Variants in CISD2 observed in about 807,000 individuals in gnomAD.
CISD2 encodes the protein CDGSH iron-sulfur domain-containing protein 2.
A neutral mutation model predicts 12.9 loss-of-function variants in CISD2; 1 was observed. The observed-to-expected ratio is 0.08, with a 90% confidence interval of 0.03 to 0.37. The LOEUF (loss-of-function observed/expected upper bound fraction) is 0.37, where lower values mean the gene tolerates loss of function less well. CISD2 is among the 10% of genes least tolerant of loss of function. CISD2 has a pLI of 0.99. For missense variants in CISD2, 97 were observed against 163.1 expected (o/e 0.59, Z 2.21); for synonymous variants, 50 against 60.6 (o/e 0.83, Z 0.81).
intron 1 of CISD2, among the ~76,000 whole-genome samples, chr4:102,879,936 AT>A (rs2110396212): frequency 6.6e-6 from 1 of 151,850 alleles, no homozygotes; most frequent in African/African-American, 2.4e-5. Context: ...TTTTTCTTTT[AT>A]TTTTTATTTT....
intron 1 of CISD2, among the ~76,000 whole-genome samples, chr4:102,880,576 G>A (rs1440079453): frequency 6.6e-6 from 1 of 152,006 alleles, no homozygotes; most frequent in Non-Finnish European, 1.5e-5. Context: ...TATTTGGGTG[G>A]CGGAGGCACA....
chr4:102,889,068 T>G lies in CISD2; in HGVS notation c.*1638T>G, dbSNP rs572627797. 1 of 152,356 alleles carries G rather than the reference T, an allele frequency of 6.6e-6. No homozygotes were observed. Among genetic ancestry groups the G allele is most frequent in the African/African-American group, 2.4e-5 (1 of 41,590 alleles). The allele number at this position is 152,356 out of a possible 1,614,324, so 9.4% of individuals were successfully genotyped here. ...CTAAGCATGGTACTTGGGTTTTTAA[T>G]TTATTACATGTAATGTCAGTAGGTT... On this transcript the variant is annotated 3_prime_UTR_variant, in exon 3 of 3. Coordinates refer to ENST00000273986, the MANE Select transcript of CISD2 (RefSeq NM_001008388.5).
intron 1 of CISD2, among the ~76,000 whole-genome samples, chr4:102,880,337 A>G (rs1733685587): frequency 6.6e-6 from 1 of 152,226 alleles, no homozygotes; most frequent in Non-Finnish European, 1.5e-5. Context: ...AGTTGGGGAA[A>G]TAATATAATA....
At chr4:102,873,339 C>T (rs1016830798) in intron 1 of CISD2, among the ~76,000 whole-genome samples, 1 of 151,980 alleles carries the variant, frequency 6.6e-6, no homozygotes, top group African/African-American at 2.4e-5. Context: ...ATGATCTCTA[C>T]CCACTCATTG....
At position 102,892,110 on chromosome 4, in the gene CISD2, G is replaced by A. The variant is rs1305910921; in HGVS notation, c.*4680G>A. On this transcript the variant is annotated 3_prime_UTR_variant, in exon 3 of 3. Coordinates refer to ENST00000273986, the MANE Select transcript of CISD2 (RefSeq NM_001008388.5). ...GTCTGGCCCTGTCACCCAGGCTGGAGTGCGGGGGCATGATCGTAGCTCACT... is the reference window on the plus strand; with the variant it reads ...GTCTGGCCCTGTCACCCAGGCTGGAATGCGGGGGCATGATCGTAGCTCACT... The A allele has an allele frequency of 6.6e-6, 1 of 152,212 alleles. No individual in the cohort carries two copies. Among genetic ancestry groups the A allele is most frequent in the Non-Finnish European group, 1.5e-5 (1 of 68,056 alleles). The allele number at this position is 152,212 out of a possible 1,614,324, so 9.4% of individuals were successfully genotyped here.
At position 102,869,105 on chromosome 4, in the gene CISD2, C is replaced by T. The variant is rs1055484125; in HGVS notation, c.21C>T (p.Ala7=). The T allele has an allele frequency of 2.5e-6, 4 of 1,612,216 alleles. No homozygotes were observed. In the African/African-American group the frequency reaches 5.3e-5, roughly 22 times the overall value. MVLESV[A]RIVKVQLPAY... Reference sequence around the variant, plus strand: ...CCAGGATGGTGCTGGAGAGCGTGGCCCGTATCGTGAAGGTGCAGCTCCCTG... The same window carrying T: ...CCAGGATGGTGCTGGAGAGCGTGGCTCGTATCGTGAAGGTGCAGCTCCCTG... The change falls in exon 1 of 3, where the codon GCC becomes GCT. Residue 7 remains alanine (A), a synonymous_variant. Transcript: ENST00000273986.
intron 1 of CISD2, chr4:102,869,431 A>G: frequency 1.4e-6 from 1 of 707,154 alleles, no homozygotes; most frequent in African/African-American, 1.7e-5. Flanking sequence ...ATTCCGTGGC[A>G]AGATACCAGG....
At chr4:102,885,790 A>G (rs973588858) in intron 2 of CISD2, among the ~76,000 whole-genome samples, 20 of 152,222 alleles carry the variant, frequency 1.3e-4, no homozygotes, top group Admixed American at 1.3e-3. Flanking sequence ...GTTTGGTTGG[A>G]CAAGTTACTT....
intron 1 of CISD2, 63 bp from the exon 2 acceptor site, chr4:102,885,152 TA>T: frequency 9.6e-6 from 3 of 312,800 alleles, no homozygotes; most frequent in East Asian, 9.1e-5. Flanking sequence ...AGGATGAAAC[TA>T]GACATGCTAT....
chr4:102,880,091 T>C (rs1319741325), intron 1 of CISD2, among the ~76,000 whole-genome samples: 1 of 151,932 alleles, frequency 6.6e-6, no homozygotes, highest in Non-Finnish European at 1.5e-5. Context: ...TACAGGCGTG[T>C]GCCACCATGC....
chr4:102,889,921 C>T lies in CISD2; in HGVS notation c.*2491C>T, dbSNP rs1734151810. 6.6e-6 allele frequency: 1 copy of T among 152,078 alleles called. No individual in the cohort carries two copies. The highest frequency in any genetic ancestry group is 1.5e-5 in the Non-Finnish European group (1 of 68,016). The allele number at this position is 152,078 out of a possible 1,614,324, so 9.4% of individuals were successfully genotyped here. On this transcript the variant is annotated 3_prime_UTR_variant, in exon 3 of 3. Transcript: ENST00000273986. The stretch of plus-strand genomic sequence containing the variant: ...AGTGGTAAAAGAAAAAAAAAAGTAA[C>T]TTGGCTCTTGAAATACATGTCTTCG...
rs1163888652 is a variant in CISD2, at chr4:102,891,186, T to C, written c.*3756T>C. On this transcript the variant is annotated 3_prime_UTR_variant, in exon 3 of 3. Coordinates refer to ENST00000273986, the MANE Select transcript of CISD2 (RefSeq NM_001008388.5). ...TCAAATTAAGTGGTAATTGAAAAAG[T>C]CTTCTTTTTAAAAAATTTTTAATGG... 6.8e-6 allele frequency: 1 copy of C among 147,402 alleles called. No homozygotes were observed. The highest frequency in any genetic ancestry group is 1.5e-5 in the Non-Finnish European group (1 of 67,906). 9.1% of individuals were successfully genotyped at this position (147,402 alleles called of 1,614,324 possible). A position where few individuals can be genotyped will look rare whatever the true frequency, so the allele number is the denominator to read the frequency against.
Position 102,869,170 on chromosome 4 carries a change from G to C in CISD2, c.86G>C (p.Gly29Ala). ...KRLPVPESITGFARLTVSEWL... is the reference protein window; with the variant it reads ...KRLPVPESITAFARLTVSEWL... ...CTCCCAGTCCCTGAAAGCATTACCG[G>C]GTTCGCTAGGCTCACAGGTAATCCT... is the stretch of plus-strand genomic sequence containing the variant. Residue 29 changes from glycine (G) to alanine (A), a missense_variant, in exon 1 of 3, where the codon GGG becomes GCG. Physicochemically the swap from Gly to Ala is moderately conservative, Grantham distance 60. Transcript: ENST00000273986. The C allele has an allele frequency of 6.2e-7, 1 of 1,610,002 alleles. No homozygotes were observed. Among genetic ancestry groups the C allele is most frequent in the Non-Finnish European group, 8.5e-7 (1 of 1,178,418 alleles).
rs1284983752 is a variant in CISD2, at chr4:102,888,865, G to T, written c.*1435G>T. ...TTTCTGAGACCTTGCTAGGCACTCT[G>T]GAAACTGCTTAGTTGAGAAAAGACA... On this transcript the variant is annotated 3_prime_UTR_variant, in exon 3 of 3. Transcript: ENST00000273986. The T allele has an allele frequency of 6.6e-6, 1 of 152,180 alleles. No individual in the cohort carries two copies. The highest frequency in any genetic ancestry group is 1.5e-5 in the Non-Finnish European group (1 of 68,042). The allele number at this position is 152,180 out of a possible 1,614,324, so 9.4% of individuals were successfully genotyped here.
In CISD2 at chr4:102,872,460, T is replaced by TG. The variant is rs560207040; in HGVS notation, c.103+3273_103+3274insG. Among the ~76,000 whole-genome samples the TG allele has an allele frequency of 3.7e-4, 56 of 152,334 alleles. 1 individual carries two copies. The South Asian group carries it at 0.01, about 28-fold the overall frequency. On this transcript the variant is annotated intron_variant, in intron 1 of 2. Transcript: ENST00000273986. ...TAAGAAATAGAAATAATTTCTGTGT[T>TG]TAGCTACATATGATAAATGAGAAAA... is the stretch of plus-strand genomic sequence containing the variant.
intron 1 of CISD2, chr4:102,884,981 G>A (rs1176882406): frequency 2.1e-6 from 1 of 483,612 alleles, no homozygotes. Context: ...ATTTGAAATG[G>A]AACCTATTTC....
At chr4:102,881,008 AT>A (rs576190969) in intron 1 of CISD2, among the ~76,000 whole-genome samples, 10 of 149,530 alleles carry the variant, frequency 6.7e-5, no homozygotes, top group African/African-American at 2.0e-4. Flanking sequence ...AAAAAAAAAA[AT>A]TTTTTTTGCA....
At chr4:102,870,337 CCAAA>C (rs1160869845) in intron 1 of CISD2, among the ~76,000 whole-genome samples, 1 of 151,648 alleles carries the variant, frequency 6.6e-6, no homozygotes, top group Non-Finnish European at 1.5e-5. Context: ...AATGCTTTCC[CCAAA>C]CAAATGTGGT....
At chr4:102,869,273 G>A (rs987521573) in intron 1 of CISD2, 86 bp downstream of exon 1, 4 of 1,513,934 alleles carry the variant, frequency 2.6e-6, no homozygotes, top group Admixed American at 3.9e-5. Flanking sequence ...GCCAAGGGGC[G>A]GGACGGAGCT....
Sources: allele counts gnomAD v4.1 joint callset (sites outside exome capture counted in the v4.1 genomes callset), GRCh38; gene constraint gnomAD v4.1.1; transcripts MANE v1.5; gene names NCBI Gene and HGNC (gene_info 2026-07-23, HGNC 2026-07-21).